KCNJ10: variants seen among roughly 807,000 people sequenced by gnomAD.
The protein encoded by KCNJ10 is ATP-sensitive inward rectifier potassium channel 10.
Under a neutral mutation model 22.2 loss-of-function variants are expected in KCNJ10, and 9 were observed. The observed-to-expected ratio is 0.40, with a 90% CI of 0.24 to 0.71. The LOEUF is 0.71. Ranked by LOEUF, KCNJ10 falls within the 30% of genes least tolerant of loss-of-function variation. The probability of loss-of-function intolerance (pLI) is 0.35; values close to 1 mark genes in which losing one functional copy is unlikely to be tolerated. For synonymous variants in KCNJ10, 184 were observed against 187.3 expected (o/e 0.98, Z 0.15); for missense variants, 337 against 482.7 (o/e 0.70, Z 2.83).
chr1:160,046,220 A>G (rs919844249), intron 1 of KCNJ10, among the ~76,000 whole-genome samples: 1 of 152,240 alleles, frequency 6.6e-6, no homozygotes, highest in African/African-American at 2.4e-5. Flanking sequence ...CTTGCTTATC[A>G]TTCCCAAAAT....
At chr1:160,058,296 G>A (rs1012461097) in intron 1 of KCNJ10, among the ~76,000 whole-genome samples, 2 of 152,136 alleles carry the variant, frequency 1.3e-5, no homozygotes, top group Admixed American at 1.3e-4. Context: ...GCTCTTCTCT[G>A]CAGGCTGTGC....
Position 160,040,812 on chromosome 1 carries a change from T to C in KCNJ10, c.*581A>G. On this transcript the variant is annotated 3_prime_UTR_variant, in exon 2 of 2. Transcript: ENST00000644903. ...GGGAAAACAGTGGCGACCATGGTTC[T>C]AGCTTATGGTCAGAAGTCACCAGCA... 4 of 388,418 alleles carry C rather than the reference T, an allele frequency of 1.0e-5. No homozygotes were observed. The East Asian group carries it at 1.5e-4, about 14-fold the overall frequency. 24.1% of individuals were successfully genotyped at this position (388,418 alleles called of 1,614,324 possible).
chr1:160,040,193 GGCT>G lies in KCNJ10; in HGVS notation c.*1197_*1199del, dbSNP rs770096805. The G allele has an allele frequency of 1.6e-5, 4 of 242,796 alleles. No homozygotes were observed. Among genetic ancestry groups the G allele is most frequent in the Non-Finnish European group, 3.1e-5 (4 of 127,304 alleles). 15.0% of individuals were successfully genotyped at this position (242,796 alleles called of 1,614,324 possible). Reference sequence around the variant, plus strand: ...ACTGGGAGGTGTAACTGAGAATAGTGGCTGCCAGCCACAGAGTTCTGCTCCTGC... The same window carrying G: ...ACTGGGAGGTGTAACTGAGAATAGTGGCCAGCCACAGAGTTCTGCTCCTGC... On this transcript the variant is annotated 3_prime_UTR_variant, in exon 2 of 2. Coordinates refer to ENST00000644903, the MANE Select transcript of KCNJ10 (RefSeq NM_002241.5).
intron 1 of KCNJ10, among the ~76,000 whole-genome samples, chr1:160,064,443 T>C (rs1259946486): frequency 1.3e-5 from 2 of 152,220 alleles, no homozygotes; most frequent in African/African-American, 4.8e-5. Flanking sequence ...TATAAGACAA[T>C]GTCACTCTTC....
At chr1:160,051,676 T>C (rs1410093479) in intron 1 of KCNJ10, among the ~76,000 whole-genome samples, 1 of 151,666 alleles carries the variant, frequency 6.6e-6, no homozygotes, top group Non-Finnish European at 1.5e-5. Context: ...CCAGGATGTA[T>C]CCAAGGGTTG....
At chr1:160,055,290 A>G (rs1447007124) in intron 1 of KCNJ10, among the ~76,000 whole-genome samples, 1 of 152,098 alleles carries the variant, frequency 6.6e-6, no homozygotes, top group Admixed American at 6.5e-5. Context: ...CAGCCAGTCT[A>G]GGGGGGGCAG....
At chr1:160,069,829 C>T (rs1315965316) in intron 1 of KCNJ10, among the ~76,000 whole-genome samples, 193 bp downstream of exon 1, 15 of 152,210 alleles carry the variant, frequency 9.9e-5, no homozygotes, top group Admixed American at 9.8e-4. Context: ...TGGCTAGTTT[C>T]CTCGTGGGGA....
In KCNJ10 at chr1:160,041,676, G is replaced by C. The variant is rs757920393; in HGVS notation, c.857C>G (p.Thr286Arg). Residue 286 changes from threonine (T) to arginine (R), a missense_variant, in exon 2 of 2, where the codon ACA becomes AGA. Thr to Arg is a moderately conservative substitution (Grantham distance 71, BLOSUM62 -1). Around this residue, in one of 3 missense-constraint regions of KCNJ10, gnomAD observed 165 missense variants for 281.5 expected, o/e 0.59. Coordinates refer to ENST00000644903, the MANE Select transcript of KCNJ10 (RefSeq NM_002241.5). The surrounding 1 kb of genome is among the most constrained non-coding windows in gnomAD (Gnocchi z 4.4). ...DFELVLILSG[T>R]VESTSATCQV... The stretch of plus-strand genomic sequence containing the variant: ...ACAGGTGGCACTGGTGGACTCCACT[G>C]TCCCACTTAGGATCAGCACCAGCTC... 1.9e-6 allele frequency: 3 copies of C among 1,614,208 alleles called. No homozygotes were observed. The Admixed American group carries it at 5.0e-5, about 27-fold the overall frequency.
chr1:160,052,881 A>G (rs1648935993), intron 1 of KCNJ10, among the ~76,000 whole-genome samples: 1 of 152,262 alleles, frequency 6.6e-6, no homozygotes, highest in Non-Finnish European at 1.5e-5. Flanking sequence ...TAAATTTAGT[A>G]TATTTCCTGA....
At chr1:160,056,907 C>A (rs1054925657) in intron 1 of KCNJ10, among the ~76,000 whole-genome samples, 1 of 152,174 alleles carries the variant, frequency 6.6e-6, no homozygotes. Context: ...TATGGTGATA[C>A]AGAGAGTCAT....
At position 160,040,264 on chromosome 1, in the gene KCNJ10, C is replaced by G; in HGVS notation, c.*1129G>C. On this transcript the variant is annotated 3_prime_UTR_variant, in exon 2 of 2. Coordinates refer to ENST00000644903, the MANE Select transcript of KCNJ10 (RefSeq NM_002241.5). ...ATCACCAATTCTCAGAGGCTCTGTA[C>G]AGCAGTTTGGAAATCTGAGAATTTA... 1 of 341,638 alleles carries G rather than the reference C, an allele frequency of 2.9e-6. No homozygotes were observed. Among genetic ancestry groups the G allele is most frequent in the Non-Finnish European group, 5.2e-6 (1 of 190,536 alleles). The allele number at this position is 341,638 out of a possible 1,614,324, so 21.2% of individuals were successfully genotyped here.
In KCNJ10 at chr1:160,039,242, C is replaced by T. The variant is rs1445125169; in HGVS notation, c.*2151G>A. 6.6e-6 allele frequency: 1 copy of T among 152,552 alleles called. No homozygotes were observed. Among genetic ancestry groups the T allele is most frequent in the Non-Finnish European group, 1.5e-5 (1 of 68,032 alleles). 9.4% of individuals were successfully genotyped at this position (152,552 alleles called of 1,614,324 possible). On this transcript the variant is annotated 3_prime_UTR_variant, in exon 2 of 2. Coordinates refer to ENST00000644903, the MANE Select transcript of KCNJ10 (RefSeq NM_002241.5). Reference sequence around the variant, plus strand: ...GGTAAGTCAGAAAATGTTTTCTTCTCACTGTTTCATCCAAGAGTCTAGAGG... The same window carrying T: ...GGTAAGTCAGAAAATGTTTTCTTCTTACTGTTTCATCCAAGAGTCTAGAGG...
Position 160,041,734 on chromosome 1 carries a change from C to A in KCNJ10, c.799G>T (p.Asp267Tyr). The A allele has an allele frequency of 6.2e-7, 1 of 1,614,096 alleles. No homozygotes were observed. ...HVVDETSPLKDLPLRSGEGDF... is the reference protein window; with the variant it reads ...HVVDETSPLKYLPLRSGEGDF... The stretch of plus-strand genomic sequence containing the variant: ...CCCTCACCACTGCGAAGAGGGAGAT[C>A]TTTCAAGGGACTGGTCTCATCTACC... The change falls in exon 2 of 2, where the codon GAT (aspartate) becomes TAT (tyrosine). Residue 267 changes from aspartate to tyrosine, a missense_variant. Asp to Tyr is a radical substitution (Grantham distance 160). Transcript: ENST00000644903. The surrounding 1 kb of genome is among the most constrained non-coding windows in gnomAD (Gnocchi z 4.4).
At chr1:160,058,096 T>C (rs1291610197) in intron 1 of KCNJ10, among the ~76,000 whole-genome samples, 1 of 152,234 alleles carries the variant, frequency 6.6e-6, no homozygotes, top group Non-Finnish European at 1.5e-5. Flanking sequence ...TGTTCATCTT[T>C]GTGTCCTTCT....
chr1:160,049,715 A>ATT (rs1648855249), intron 1 of KCNJ10, among the ~76,000 whole-genome samples: 21 of 116,440 alleles, frequency 1.8e-4, no homozygotes, highest in Admixed American at 2.7e-4. Flanking sequence ...ATATATATAT[A>ATT]TATATGTTAT....
rs1648504142 is a variant in KCNJ10 at position 160,037,593 on chromosome 1, G to GA, written c.*3799dup. On this transcript the variant is annotated 3_prime_UTR_variant, in exon 2 of 2. Transcript: ENST00000644903. ...GGTTTAGTCTTTAGTGCAATGAATGGAAAAAACATCCCTAAATACTTCTGC... is the reference window on the plus strand; with the variant it reads ...GGTTTAGTCTTTAGTGCAATGAATGGAAAAAAACATCCCTAAATACTTCTGC... The GA allele has an allele frequency of 6.6e-6, 1 of 152,026 alleles. No homozygotes were observed. Among genetic ancestry groups the GA allele is most frequent in the Admixed American group, 6.6e-5 (1 of 15,260 alleles). The allele number at this position is 152,026 out of a possible 1,614,324, so 9.4% of individuals were successfully genotyped here.
intron 1 of KCNJ10, among the ~76,000 whole-genome samples, chr1:160,055,039 A>C (rs1409611345): frequency 6.6e-6 from 1 of 152,166 alleles, no homozygotes; most frequent in East Asian, 1.9e-4. Context: ...TTGCCTGCGC[A>C]GTTGCCTGTC....
chr1:160,067,156 T>C (rs142035921), intron 1 of KCNJ10, among the ~76,000 whole-genome samples: 195 of 152,216 alleles, frequency 1.3e-3, no homozygotes, highest in African/African-American at 4.3e-3. Context: ...TCTCTCACAT[T>C]CCAGAGCCAG....
chr1:160,064,199 G>GGACCCTTTCGGAGGGTTCCTGA (rs1649263091), intron 1 of KCNJ10, among the ~76,000 whole-genome samples: 1 of 152,192 alleles, frequency 6.6e-6, no homozygotes, highest in Non-Finnish European at 1.5e-5. Flanking sequence ...TATGGTCCCT[G>GGACCCTTTCGGAGGGTTCCTGA]GACCCTTTCG....
Sources: gnomAD v4.1 joint callset for allele counts (sites outside exome capture counted in the v4.1 genomes callset) on GRCh38, gnomAD v4.1.1 for gene constraint, gnomAD v4.1.1 regional missense constraint, Gnocchi (gnomAD v3.1) non-coding constraint, MANE v1.5 for transcripts, NCBI Gene and HGNC (gene_info 2026-07-23, HGNC 2026-07-21) for gene names.